Variants in ATP8A2 observed in about 807,000 individuals in gnomAD.
The protein encoded by ATP8A2 is phospholipid-transporting ATPase IB.
A neutral mutation model predicts 165.6 loss-of-function variants in ATP8A2; 100 were observed. The observed-to-expected ratio is 0.60, with a 90% confidence interval of 0.51 to 0.71. ATP8A2 has a LOEUF of 0.71. ATP8A2 is among the 30% of genes least tolerant of loss of function. The pLI is 0.00. For missense variants in ATP8A2, 1,227 were observed against 1,479.5 expected (o/e 0.83, Z 2.80); for synonymous variants, 543 against 548.8 (o/e 0.99, Z 0.15).
intron 19 of ATP8A2, among the ~76,000 whole-genome samples, chr13:25,576,391 G>A (rs1396791017): frequency 1.3e-5 from 2 of 152,110 alleles, no homozygotes; most frequent in South Asian, 2.1e-4. Context: ...TGAGTCCCGT[G>A]TGTGCTCGAA....
intron 13 of ATP8A2, among the ~76,000 whole-genome samples, chr13:25,555,448 A>G (rs768674356): frequency 2.6e-5 from 4 of 152,144 alleles, no homozygotes; most frequent in African/African-American, 4.8e-5. Context: ...TTTAAAGGAC[A>G]TGCATTTCTC....
At chr13:25,685,518 A>G (rs780785136) in intron 24 of ATP8A2, among the ~76,000 whole-genome samples, 3 of 152,160 alleles carry the variant, frequency 2.0e-5, no homozygotes, top group Non-Finnish European at 4.4e-5. Flanking sequence ...TACATGCCCC[A>G]AGGGAAATAA....
At chr13:25,594,363 G>A (rs1853518584) in intron 24 of ATP8A2, among the ~76,000 whole-genome samples, 1 of 152,150 alleles carries the variant, frequency 6.6e-6, no homozygotes, top group African/African-American at 2.4e-5. Flanking sequence ...TAATTAAGTT[G>A]AATATGGGTG....
At chr13:25,493,899 A>G (rs1375334069) in intron 2 of ATP8A2, among the ~76,000 whole-genome samples, 1 of 152,088 alleles carries the variant, frequency 6.6e-6, no homozygotes, top group Non-Finnish European at 1.5e-5. Context: ...CTCAGGTGCA[A>G]TGTTTATTGA....
chr13:25,484,747 C>T (rs2137603989), intron 2 of ATP8A2, among the ~76,000 whole-genome samples: 1 of 152,224 alleles, frequency 6.6e-6, no homozygotes, highest in South Asian at 2.1e-4. Context: ...GAACTCCTGA[C>T]CTCAAGTGAT....
At chr13:25,765,740 A>G (rs1488130345) in intron 25 of ATP8A2, among the ~76,000 whole-genome samples, 1 of 152,120 alleles carries the variant, frequency 6.6e-6, no homozygotes, top group Non-Finnish European at 1.5e-5. Flanking sequence ...CACTTGACTT[A>G]CTTGAGATCC....
Position 25,896,197 on chromosome 13 carries a change from A to G in ATP8A2, c.3183+33789A>G, listed in dbSNP as rs545143846. Among the ~76,000 whole-genome samples the G allele has an allele frequency of 3.3e-5, 5 of 152,210 alleles. No individual in the cohort carries two copies. The East Asian group carries it at 9.6e-4, about 29-fold the overall frequency. Reference sequence around the variant, plus strand: ...TGCTATAAATTTCCCTCTACACACTACTTTGAATGTGTCCCAGAGATTCTG... The same window carrying G: ...TGCTATAAATTTCCCTCTACACACTGCTTTGAATGTGTCCCAGAGATTCTG... On this transcript the variant is annotated intron_variant, in intron 33 of 36. Transcript: ENST00000381655.
At chr13:25,473,374 T>C (rs1369454378) in intron 2 of ATP8A2, among the ~76,000 whole-genome samples, 2 of 152,208 alleles carry the variant, frequency 1.3e-5, no homozygotes, top group Non-Finnish European at 2.9e-5. Context: ...TTCTAGGACC[T>C]TAACTATGAG....
intron 27 of ATP8A2, among the ~76,000 whole-genome samples, chr13:25,815,190 T>C (rs1487425753): frequency 1.3e-5 from 2 of 151,934 alleles, no homozygotes; most frequent in East Asian, 1.9e-4. Flanking sequence ...CACCAAAAAA[T>C]AGACAAATTG....
rs375189635 is a variant in ATP8A2, at chr13:25,480,007, C to T, written c.221+10886C>T. On this transcript the variant is annotated intron_variant, in intron 2 of 36. Transcript: ENST00000381655. ...GGCCCGTTCTCAATGAGCTGTTGGGCACACCTCCCGGACGGGGTGGTGGCC... is the reference window on the plus strand; with the variant it reads ...GGCCCGTTCTCAATGAGCTGTTGGGTACACCTCCCGGACGGGGTGGTGGCC... Among the ~76,000 whole-genome samples, 891 of 152,338 alleles carry T rather than the reference C, an allele frequency of 5.8e-3. 8 individuals are homozygous for T. Among genetic ancestry groups the T allele is most frequent in the Middle Eastern group, 0.01 (3 of 294 alleles).
At chr13:25,740,308 C>CAAAA (rs1229327243) in intron 25 of ATP8A2, among the ~76,000 whole-genome samples, 98 of 67,502 alleles carry the variant, frequency 1.5e-3, no homozygotes, top group African/African-American at 5.3e-3. Context: ...GGCTCTATCT[C>CAAAA]AAAAAAAAAA....
chr13:25,419,613 G>A (rs189629707), intron 1 of ATP8A2, among the ~76,000 whole-genome samples: 5 of 151,934 alleles, frequency 3.3e-5, no homozygotes, highest in Non-Finnish European at 4.4e-5. Flanking sequence ...ACAGGGAAGA[G>A]CCCCTGAAAA....
chr13:25,615,166 G>T (rs745627213), intron 24 of ATP8A2, among the ~76,000 whole-genome samples: 1 of 152,162 alleles, frequency 6.6e-6, no homozygotes. Flanking sequence ...TGAGGGCAAG[G>T]TTAGGTGTGT....
At chr13:25,582,040 T>C in intron 23 of ATP8A2, 83 bp downstream of exon 23, 4 of 1,303,328 alleles carry the variant, frequency 3.1e-6, no homozygotes, top group Non-Finnish European at 4.2e-6. Flanking sequence ...TAAATGTTTC[T>C]CAAATTCATT....
Position 25,956,715 on chromosome 13 carries a change from A to G in ATP8A2, c.3184-4860A>G, listed in dbSNP as rs567520618. ...ACTGCCAAAGTAATTTATAGATTCAATGCTCTCCCCATCAAGCTACCATTG... is the reference window on the plus strand; with the variant it reads ...ACTGCCAAAGTAATTTATAGATTCAGTGCTCTCCCCATCAAGCTACCATTG... On this transcript the variant is annotated intron_variant, in intron 33 of 36. Transcript: ENST00000381655. Among the ~76,000 whole-genome samples the G allele has an allele frequency of 3.9e-5, 6 of 152,350 alleles. No homozygotes were observed. The South Asian group carries it at 6.2e-4, about 16-fold the overall frequency.
intron 33 of ATP8A2, among the ~76,000 whole-genome samples, chr13:25,924,650 A>G (rs1593569153): frequency 7.1e-6 from 1 of 140,996 alleles, no homozygotes; most frequent in African/African-American, 2.6e-5. Flanking sequence ...ATTGGGGGGG[A>G]ATACTTAATG....
At chr13:25,614,932 G>A (rs2040782952) in intron 24 of ATP8A2, among the ~76,000 whole-genome samples, 1 of 152,196 alleles carries the variant, frequency 6.6e-6, no homozygotes. Flanking sequence ...GACTCTGTGA[G>A]GGTACTTGGT....
intron 33 of ATP8A2, among the ~76,000 whole-genome samples, chr13:25,868,540 A>G (rs1952583564): frequency 6.7e-6 from 1 of 148,968 alleles, no homozygotes; most frequent in African/African-American, 2.4e-5. Flanking sequence ...TCCAATTCAC[A>G]TTCTGGCTTT....
At chr13:25,778,097 A>G (rs1252982902) in intron 27 of ATP8A2, among the ~76,000 whole-genome samples, 2 of 152,180 alleles carry the variant, frequency 1.3e-5, no homozygotes, top group Admixed American at 6.5e-5. Flanking sequence ...ATGCCATTTC[A>G]CAGGGGGGTT....
Sources: allele counts gnomAD v4.1 joint callset (sites outside exome capture counted in the v4.1 genomes callset), GRCh38; gene constraint gnomAD v4.1.1; transcripts MANE v1.5; gene names NCBI Gene and HGNC (gene_info 2026-07-23, HGNC 2026-07-21).